The following GREP1 variants were observed in gnomAD, a reference collection of about 807,000 sequenced individuals.
The protein encoded by GREP1 is glycine-rich extracellular protein 1.
At chr16:2,997,938 C>T (rs1183801572) in intron 23 of GREP1, 103 bp downstream of exon 21, 5 of 397,424 alleles carry the variant, frequency 1.3e-5, no homozygotes, top group East Asian at 7.1e-5. Flanking sequence ...GGTGCAAGAA[C>T]GGGCTGGAGC....
intron 33 of GREP1, 143 bp from the exon 28 acceptor site, chr16:3,001,138 C>A: frequency 2.5e-6 from 1 of 397,970 alleles, no homozygotes; most frequent in South Asian, 1.4e-4. Context: ...GTCCCTCTCC[C>A]CCCGGTCCTC....
chr16:2,999,217 C>G, intron 26 of GREP1: 1 of 398,808 alleles, frequency 2.5e-6, no homozygotes, highest in Non-Finnish European at 4.4e-6. Context: ...CTCTCAAGCC[C>G]TCGGCTGGGC....
At chr16:2,993,040 C>A in intron 10 of GREP1, 77 bp downstream of exon 11, 1 of 398,118 alleles carries the variant, frequency 2.5e-6, no homozygotes, top group Non-Finnish European at 4.4e-6. Context: ...CCCTGATCTC[C>A]CCATTCTCTT....
At chr16:2,993,303 A>C (rs957670635) in intron 10 of GREP1, 6 of 195,158 alleles carry the variant, frequency 3.1e-5, no homozygotes, top group Admixed American at 6.1e-5. Flanking sequence ...GGCGAGCCCC[A>C]ATCTCTAGCC....
In GREP1 at chr16:2,992,603, G is replaced by C. The variant is rs1209095875; in HGVS notation, c.323-202G>C. 2.6e-6 allele frequency: 1 copy of C among 386,980 alleles called. No homozygotes were observed. Among genetic ancestry groups the C allele is most frequent in the Non-Finnish European group, 4.6e-6 (1 of 219,196 alleles). The allele number at this position is 386,980 out of a possible 1,614,324, so 24.0% of individuals were successfully genotyped here. On this transcript the variant is annotated intron_variant, in intron 8 of 34. Coordinates refer to ENST00000573315, the Ensembl canonical transcript of GREP1. This position sits in a 1 kb window ranked among gnomAD's most constrained non-coding sequence, Gnocchi z 4.9. ...CTGGCCATGGAGGACACCCAAGCTG[G>C]TCAAGGGTGGCCACGGTCTGGACTC...
chr16:2,990,190 G>A, intron 5 of GREP1, 68 bp downstream of exon 5: 1 of 398,352 alleles, frequency 2.5e-6, no homozygotes, highest in East Asian at 3.6e-5. Context: ...GGATTGGAGA[G>A]ATTGTTGGGG....
chr16:2,996,547 C>T lies in GREP1; in HGVS notation c.712+16C>T, dbSNP rs2072425855. 2 of 399,230 alleles carry T rather than the reference C, an allele frequency of 5.0e-6. No individual in the cohort carries two copies. The highest frequency in any genetic ancestry group is 2.1e-5 in the African/African-American group (1 of 48,602). The allele number at this position is 399,230 out of a possible 1,614,324, so 24.7% of individuals were successfully genotyped here. A position where few individuals can be genotyped will look rare whatever the true frequency, so the allele number is the denominator to read the frequency against. ...GTCCAGCCAGGTGAGGGCAGCTGGG[C>T]CTGGCTCGCGAGGGGTCGGGAGGTG... On this transcript the variant is annotated intron_variant, in intron 19 of 34. Coordinates refer to ENST00000573315, the Ensembl canonical transcript of GREP1.
intron 20 of GREP1, 132 bp from the exon 20 acceptor site, chr16:2,996,921 C>A (rs1048937771): frequency 1.5e-5 from 6 of 399,192 alleles, no homozygotes; most frequent in African/African-American, 1.2e-4. Context: ...TCAGCCTTAC[C>A]ACGTTCCCTT....
chr16:2,995,681 G>C (rs1384787851), intron 16 of GREP1, 27 bp downstream of exon 16: 2 of 398,540 alleles, frequency 5.0e-6, no homozygotes, highest in East Asian at 3.6e-5. Flanking sequence ...GGAGGGGCTG[G>C]GGGAGAATGT....
chr16:3,000,974 G>C, intron 33 of GREP1, 147 bp downstream of exon 27: 4 of 399,382 alleles, frequency 1.0e-5, no homozygotes, highest in East Asian at 7.1e-5. Flanking sequence ...GAAGAGGCCA[G>C]GAGGGCATAG....
At position 2,995,661 on chromosome 16, in the gene GREP1, G is replaced by T. The variant is rs559451023; in HGVS notation, c.589+7G>T. 1 of 398,710 alleles carries T rather than the reference G, an allele frequency of 2.5e-6. No individual in the cohort carries two copies. Among genetic ancestry groups the T allele is most frequent in the South Asian group, 1.3e-4 (1 of 7,868 alleles). 24.7% of individuals were successfully genotyped at this position (398,710 alleles called of 1,614,324 possible). A position where few individuals can be genotyped will look rare whatever the true frequency, so the allele number is the denominator to read the frequency against. On this transcript the variant is annotated splice_region_variant and intron_variant, in intron 16 of 34. Transcript: ENST00000573315. ...CGATTTGGATTTGGAGCAGGTAGGA[G>T]CAGGGGTGGGGAGGGGCTGGGGGAG...
chr16:3,001,711 G>A lies in GREP1; in HGVS notation c.*125G>A, dbSNP rs1030953031. ...AACGTGCTTCCCTGCTTGCCTCCGC[G>A]TGCCATGCAAGGGGCTTGCTGACCA... On this transcript the variant is annotated 3_prime_UTR_variant, in exon 35 of 35. Transcript: ENST00000573315. 1.0e-5 allele frequency: 4 copies of A among 398,618 alleles called. No individual in the cohort carries two copies. In the East Asian group the frequency reaches 1.1e-4, roughly 11 times the overall value. The allele number at this position is 398,618 out of a possible 1,614,324, so 24.7% of individuals were successfully genotyped here. A position where few individuals can be genotyped will look rare whatever the true frequency, so the allele number is the denominator to read the frequency against.
Position 2,992,736 on chromosome 16 carries a change from G to A in GREP1, c.323-69G>A, listed in dbSNP as rs948489522. The A allele has an allele frequency of 1.3e-5, 5 of 398,684 alleles. No individual in the cohort carries two copies. Among genetic ancestry groups the A allele is most frequent in the Admixed American group, 8.8e-5 (2 of 22,712 alleles). The allele number at this position is 398,684 out of a possible 1,614,324, so 24.7% of individuals were successfully genotyped here. On this transcript the variant is annotated intron_variant, in intron 8 of 34. Coordinates refer to ENST00000573315, the Ensembl canonical transcript of GREP1. This position sits in a 1 kb window ranked among gnomAD's most constrained non-coding sequence, Gnocchi z 4.9. ...GTCACGCGAGACAGAAAGGGAGAGG[G>A]CAGGGCTCCAGGCCCCAGCTCATCC...
At chr16:2,996,000 T>C (rs2072422732) in intron 18 of GREP1, 1 of 392,706 alleles carries the variant, frequency 2.5e-6, no homozygotes, top group Admixed American at 4.4e-5. Flanking sequence ...TGGCGCAATC[T>C]CGGTTCACTG....
chr16:2,995,437 G>C, exon 15 of GREP1: 1 of 399,018 alleles, frequency 2.5e-6, no homozygotes, highest in Middle Eastern at 6.3e-4. Context: ...TGCTCAGCCA[G>C]GTGAGACAGA....
At chr16:2,996,088 G>T (rs571552512) in intron 18 of GREP1, among the ~76,000 whole-genome samples, 1 of 152,068 alleles carries the variant, frequency 6.6e-6, no homozygotes, top group Admixed American at 6.5e-5. Context: ...ACCCACCACC[G>T]CACCTGGCTA....
At chr16:2,993,951 C>G (rs1481885991) in intron 10 of GREP1, 2 of 152,836 alleles carry the variant, frequency 1.3e-5, no homozygotes, top group African/African-American at 4.8e-5. Flanking sequence ...AAGCAAGACT[C>G]CGTCTCAAAA....
At position 2,995,661 on chromosome 16, in the gene GREP1, G is replaced by A. The variant is rs559451023; in HGVS notation, c.589+7G>A. 206 of 398,826 alleles carry A rather than the reference G, an allele frequency of 5.2e-4. No individual in the cohort carries two copies. Among genetic ancestry groups the A allele is most frequent in the African/African-American group, 3.8e-3 (185 of 48,722 alleles). The allele number at this position is 398,826 out of a possible 1,614,324, so 24.7% of individuals were successfully genotyped here. On this transcript the variant is annotated splice_region_variant and intron_variant, in intron 16 of 34. Coordinates refer to ENST00000573315, the Ensembl canonical transcript of GREP1. ...CGATTTGGATTTGGAGCAGGTAGGAGCAGGGGTGGGGAGGGGCTGGGGGAG... is the reference window on the plus strand; with the variant it reads ...CGATTTGGATTTGGAGCAGGTAGGAACAGGGGTGGGGAGGGGCTGGGGGAG...
intron 23 of GREP1, 80 bp downstream of exon 21, chr16:2,997,915 C>G (rs888590041): frequency 2.5e-6 from 1 of 398,418 alleles, no homozygotes; most frequent in Middle Eastern, 6.3e-4. Flanking sequence ...CAAGCTGTAC[C>G]CTGTCTCCCC....
Sources: allele counts gnomAD v4.1 joint callset (sites outside exome capture counted in the v4.1 genomes callset), GRCh38; gene constraint gnomAD v4.1.1; non-coding constraint Gnocchi (gnomAD v3.1); transcripts MANE v1.5; gene names NCBI Gene and HGNC (gene_info 2026-07-23, HGNC 2026-07-21).